The following CNTNAP2 variants were observed in gnomAD, a reference collection of about 807,000 sequenced individuals.
CNTNAP2 encodes contactin associated protein 2.
In CNTNAP2, 98 loss-of-function variants were observed where a neutral mutation model predicts 155.2. The observed-to-expected ratio is 0.63, with a 90% CI of 0.54 to 0.75. The LOEUF (loss-of-function observed/expected upper bound fraction) is 0.75, where lower values mean the gene tolerates loss of function less well. CNTNAP2 is among the 30% of genes least tolerant of loss of function. The probability of loss-of-function intolerance (pLI) is 0.00; values close to 1 mark genes in which losing one functional copy is unlikely to be tolerated. For synonymous variants in CNTNAP2, 651 were observed against 631.2 expected, an observed-to-expected ratio of 1.03 and a Z score of -0.47; for missense variants, 1,727 against 1,688.1, an observed-to-expected ratio of 1.02 and a Z score of -0.40.
At chr7:146,147,857 A>G (rs1797978579) in intron 1 of CNTNAP2, among the ~76,000 whole-genome samples, 1 of 152,162 alleles carries the variant, frequency 6.6e-6, no homozygotes, top group African/African-American at 2.4e-5. Context: ...ATTTCTGCTA[A>G]TTTATTGTTG....
At chr7:146,754,869 G>A (rs1801967707) in intron 1 of CNTNAP2, among the ~76,000 whole-genome samples, 1 of 151,808 alleles carries the variant, frequency 6.6e-6, no homozygotes, top group Non-Finnish European at 1.5e-5. Context: ...TTCTTCCTTA[G>A]CATTTAGTCT....
Position 147,729,496 on chromosome 7 carries a change from A to T in CNTNAP2, c.2098+90190A>T, listed in dbSNP as rs1394216811. On this transcript the variant is annotated intron_variant, in intron 13 of 23. Transcript: ENST00000361727. ...ATCAATGGCAAAGATGAGGATAGGG[A>T]ACAATTATAGCACAAGAAAAGGCTC... is the stretch of plus-strand genomic sequence containing the variant. Among the ~76,000 whole-genome samples the T allele has an allele frequency of 2.0e-5, 3 of 151,882 alleles. No individual in the cohort carries two copies. In the East Asian group the frequency reaches 5.8e-4, roughly 29 times the overall value.
chr7:147,891,274 G>A (rs1295795469), intron 13 of CNTNAP2, among the ~76,000 whole-genome samples: 1 of 150,984 alleles, frequency 6.6e-6, no homozygotes, highest in Non-Finnish European at 1.5e-5. Flanking sequence ...GTGAGATCTT[G>A]GCTCACTGCA....
chr7:146,612,803 A>T (rs535323312), intron 1 of CNTNAP2, among the ~76,000 whole-genome samples: 39 of 152,184 alleles, frequency 2.6e-4, no homozygotes, highest in South Asian at 1.5e-3. Flanking sequence ...AATCTGAAAA[A>T]TTTTTTTATA....
chr7:147,956,437 C>T (rs536682136), intron 14 of CNTNAP2, among the ~76,000 whole-genome samples: 1 of 152,144 alleles, frequency 6.6e-6, no homozygotes, highest in Non-Finnish European at 1.5e-5. Context: ...CCTCTGATTT[C>T]TCCTAAGTCT....
chr7:147,595,493 G>A lies in CNTNAP2; in HGVS notation c.1897+33236G>A, dbSNP rs190323212. Among the ~76,000 whole-genome samples the A allele has an allele frequency of 8.5e-5, 13 of 152,232 alleles. No homozygotes were observed. The East Asian group carries it at 2.1e-3, about 25-fold the overall frequency. ...TTGAAAAAGTTTCAGAATTTTTATG[G>A]GGACATTTAAAAACGTTAGGTGGCT... is the stretch of plus-strand genomic sequence containing the variant. On this transcript the variant is annotated intron_variant, in intron 12 of 23. Coordinates refer to ENST00000361727, the MANE Select transcript of CNTNAP2 (RefSeq NM_014141.6).
chr7:146,798,273 G>T (rs1013777467), intron 2 of CNTNAP2, among the ~76,000 whole-genome samples: 5 of 149,410 alleles, frequency 3.3e-5, no homozygotes, highest in Non-Finnish European at 7.4e-5. Flanking sequence ...GCCAGACCCT[G>T]TCTCCAAAAA....
chr7:147,712,821 C>G (rs1331217926), intron 13 of CNTNAP2, among the ~76,000 whole-genome samples: 1 of 152,080 alleles, frequency 6.6e-6, no homozygotes, highest in Non-Finnish European at 1.5e-5. Flanking sequence ...TGCAGCACAC[C>G]AACATGGCAC....
intron 14 of CNTNAP2, among the ~76,000 whole-genome samples, chr7:147,923,380 A>G (rs183257242): frequency 2.0e-5 from 3 of 152,230 alleles, no homozygotes; most frequent in Admixed American, 2.0e-4. Context: ...GGAGAACACC[A>G]CGTTGGGAGG....
rs1798821176 is a variant in CNTNAP2, at chr7:146,199,176, G to C, written c.97+82203G>C. Among the ~76,000 whole-genome samples, 3 of 152,052 alleles carry C rather than the reference G, an allele frequency of 2.0e-5. No homozygotes were observed. In the South Asian group the frequency reaches 6.2e-4, roughly 32 times the overall value. ...CATGCCTAAAAATTATTCCATCTCT[G>C]TTACTTGTTGGGGACACAATAACCT... is the stretch of plus-strand genomic sequence containing the variant. On this transcript the variant is annotated intron_variant, in intron 1 of 23. Coordinates refer to ENST00000361727, the MANE Select transcript of CNTNAP2 (RefSeq NM_014141.6).
chr7:147,440,597 C>A (rs1353238171), intron 10 of CNTNAP2, among the ~76,000 whole-genome samples: 3 of 152,066 alleles, frequency 2.0e-5, no homozygotes, highest in Non-Finnish European at 4.4e-5. Context: ...CATTAACATT[C>A]TTTTCTTTCT....
In CNTNAP2 at chr7:146,331,101, G is replaced by A. The variant is rs544669138; in HGVS notation, c.97+214128G>A. On this transcript the variant is annotated intron_variant, in intron 1 of 23. Transcript: ENST00000361727. ...GGGCGGATCACGAGGTCAGGAGATC[G>A]AGACCATCCTGGCTAACACGGTGAA... Among the ~76,000 whole-genome samples the A allele has an allele frequency of 1.8e-3, 275 of 151,926 alleles. 1 individual carries two copies. Among genetic ancestry groups the A allele is most frequent in the Middle Eastern group, 0.01 (3 of 294 alleles).
At chr7:146,465,693 G>T (rs1796707165) in intron 1 of CNTNAP2, among the ~76,000 whole-genome samples, 1 of 152,144 alleles carries the variant, frequency 6.6e-6, no homozygotes, top group African/African-American at 2.4e-5. Context: ...TTTGCATGCT[G>T]TCTTCAGACC....
intron 10 of CNTNAP2, among the ~76,000 whole-genome samples, chr7:147,466,406 G>A (rs1798120410): frequency 6.6e-6 from 1 of 152,082 alleles, no homozygotes; most frequent in Admixed American, 6.6e-5. Flanking sequence ...TTAGAGTGAT[G>A]TTTTTAGGTT....
intron 1 of CNTNAP2, among the ~76,000 whole-genome samples, chr7:146,416,242 A>T (rs569296175): frequency 6.6e-6 from 1 of 150,980 alleles, no homozygotes; most frequent in East Asian, 1.9e-4. Flanking sequence ...ACTAAATGTT[A>T]AATATATATA....
At chr7:146,167,747 C>G (rs1798333103) in intron 1 of CNTNAP2, among the ~76,000 whole-genome samples, 1 of 152,068 alleles carries the variant, frequency 6.6e-6, no homozygotes, top group Non-Finnish European at 1.5e-5. Context: ...AGGAACAGAA[C>G]TAATAGTATA....
chr7:147,254,428 AC>A (rs1804273934), intron 8 of CNTNAP2, among the ~76,000 whole-genome samples: 1 of 152,164 alleles, frequency 6.6e-6, no homozygotes, highest in South Asian at 2.1e-4. Flanking sequence ...ATTCTCTATA[AC>A]CAATAATGTT....
chr7:147,574,628 G>C (rs985720278), intron 12 of CNTNAP2, among the ~76,000 whole-genome samples: 1 of 76,950 alleles, frequency 1.3e-5, no homozygotes, highest in Non-Finnish European at 2.5e-5. Flanking sequence ...CTAAGGATAC[G>C]TTTTAAAATT....
chr7:147,724,047 T>C (rs1214813320), intron 13 of CNTNAP2, among the ~76,000 whole-genome samples: 1 of 151,978 alleles, frequency 6.6e-6, no homozygotes, highest in Non-Finnish European at 1.5e-5. Context: ...GCACTCCTGA[T>C]GTATTTCAAA....
Sources: gnomAD v4.1 joint callset for allele counts (sites outside exome capture counted in the v4.1 genomes callset) on GRCh38, gnomAD v4.1.1 for gene constraint, MANE v1.5 for transcripts, NCBI Gene and HGNC (gene_info 2026-07-23, HGNC 2026-07-21) for gene names.